WDR64: variants seen among roughly 807,000 people sequenced by gnomAD.
WDR64 encodes WD repeat domain 64.
A neutral mutation model predicts 139.3 loss-of-function variants in WDR64; 112 were observed. That is an observed-to-expected ratio of 0.80 (90% CI 0.69 to 0.94). The LOEUF (loss-of-function observed/expected upper bound fraction) is 0.94, where lower values mean the gene tolerates loss of function less well. WDR64 is among the 40% of genes least tolerant of loss of function. The probability of loss-of-function intolerance (pLI) is 0.00; values close to 1 mark genes in which losing one functional copy is unlikely to be tolerated. For synonymous variants in WDR64, 444 were observed against 437.7 expected (o/e 1.01, Z -0.18); for missense variants, 1,206 against 1,293.1 (o/e 0.93, Z 1.03).
intron 1 of WDR64, among the ~76,000 whole-genome samples, chr1:241,654,140 G>A (rs1665485800): frequency 2.0e-5 from 3 of 152,164 alleles, no homozygotes; most frequent in Admixed American, 2.0e-4. Context: ...ACTGAAAGCA[G>A]CAGCTGTCCT....
intron 1 of WDR64, 139 bp from the exon 2 acceptor site, chr1:241,660,391 G>C: frequency 9.4e-7 from 1 of 1,067,740 alleles, no homozygotes; most frequent in South Asian, 1.7e-5. Flanking sequence ...GCAAAGACAA[G>C]GTCTTTAAAA....
chr1:241,697,551 G>A (rs1667543209), intron 8 of WDR64, among the ~76,000 whole-genome samples: 1 of 152,118 alleles, frequency 6.6e-6, no homozygotes, highest in Non-Finnish European at 1.5e-5. Flanking sequence ...GAACAGGCTA[G>A]CTGGAACTAC....
rs199635140 is a variant in WDR64 at position 241,656,870 on chromosome 1, TTGTGTGTGTGTGTG to T, written c.146-3632_146-3619del. On this transcript the variant is annotated intron_variant, in intron 1 of 27. Transcript: ENST00000437684. This position sits in a 1 kb window ranked among gnomAD's most constrained non-coding sequence, Gnocchi z 4.3. ...AAATGTCTCAAGTCTTTGCCAAATG[TTGTGTGTGTGTGTG>T]TGTGTGTGTGTGTGTGTGTGTGTGT... 1.2e-5 allele frequency among the ~76,000 whole-genome samples: 1 copy of T among 86,640 alleles called. No homozygotes were observed. Among genetic ancestry groups the T allele is most frequent in the Admixed American group, 1.2e-4 (1 of 8,028 alleles). 56.8% of individuals were successfully genotyped at this position (86,640 alleles called of 152,430 possible).
chr1:241,727,996 C>T (rs552628903), intron 10 of WDR64, among the ~76,000 whole-genome samples: 97 of 151,808 alleles, frequency 6.4e-4, no homozygotes, highest in African/African-American at 2.2e-3. Flanking sequence ...GAACCAGCCC[C>T]GTGAAGATCT....
intron 7 of WDR64, among the ~76,000 whole-genome samples, chr1:241,686,303 G>A (rs7538602): frequency 0.22 from 32,893 of 152,188 alleles, 3,733 homozygotes; most frequent in South Asian, 0.29. Context: ...GTGGATATGG[G>A]GGTAGTAAAC....
chr1:241,683,563 G>C lies in WDR64; in HGVS notation c.701G>C (p.Cys234Ser). ...VCVVPLPDHL[C>S]RDDILLGDDG... is the part of the protein sequence containing the mutation. Reference sequence around the variant, plus strand: ...GTGGTGCCTTTGCCTGACCATCTCTGCCGAGATGACATCCTCTTGGGGGAT... The same window carrying C: ...GTGGTGCCTTTGCCTGACCATCTCTCCCGAGATGACATCCTCTTGGGGGAT... The change falls in exon 7 of 28, where the codon TGC becomes TCC. Residue 234 changes from cysteine to serine, a missense_variant. Transcript: ENST00000437684. The C allele has an allele frequency of 6.4e-7, 1 of 1,551,656 alleles. No individual in the cohort carries two copies. Among genetic ancestry groups the C allele is most frequent in the Non-Finnish European group, 8.7e-7 (1 of 1,146,984 alleles).
intron 13 of WDR64, among the ~76,000 whole-genome samples, chr1:241,744,796 G>T (rs750852561): frequency 6.6e-5 from 10 of 152,208 alleles, no homozygotes; most frequent in Non-Finnish European, 1.5e-4. Context: ...CATCTAATCT[G>T]TGTTGCACTG....
intron 2 of WDR64, among the ~76,000 whole-genome samples, chr1:241,669,985 T>C (rs7513188): frequency 0.77 from 117,152 of 152,052 alleles, 45,387 homozygotes; most frequent in Non-Finnish European, 0.81. Context: ...TTCAAAAGGA[T>C]TCCTCAGTTC....
intron 10 of WDR64, among the ~76,000 whole-genome samples, chr1:241,735,363 C>T (rs116426050): frequency 4.1e-4 from 63 of 152,046 alleles, no homozygotes; most frequent in African/African-American, 1.2e-3. Flanking sequence ...TTTGGTTGAA[C>T]GGAAGTTTTT....
At chr1:241,681,552 T>C (rs1306539276) in intron 6 of WDR64, among the ~76,000 whole-genome samples, 2 of 152,214 alleles carry the variant, frequency 1.3e-5, no homozygotes, top group African/African-American at 2.4e-5. Context: ...GTTTCACATT[T>C]TTGCAATTGC....
At position 241,783,330 on chromosome 1, in the gene WDR64, A is replaced by G. The variant is rs1445886083; in HGVS notation, c.2654A>G (p.Tyr885Cys). The G allele has an allele frequency of 6.2e-7, 1 of 1,614,116 alleles. No homozygotes were observed. Among genetic ancestry groups the G allele is most frequent in the Non-Finnish European group, 8.5e-7 (1 of 1,179,994 alleles). ...TCTTTGGAAATTATTCAAGTAATCT[A>G]TGTAGAAGAAAAACAAGTGGTACTT... ...AHSLEIIQVI[Y>C]VEEKQVVLTA... is the part of the protein sequence containing the mutation. Residue 885 changes from tyrosine to cysteine, a missense_variant, in exon 23 of 28, where the codon TAT becomes TGT. Transcript: ENST00000437684.
At chr1:241,794,194 A>G (rs977879464) in intron 25 of WDR64, among the ~76,000 whole-genome samples, 1 of 147,194 alleles carries the variant, frequency 6.8e-6, no homozygotes, top group Non-Finnish European at 1.5e-5. Flanking sequence ...AAAAAAAAAA[A>G]GAAAAAAAGA....
intron 7 of WDR64, among the ~76,000 whole-genome samples, chr1:241,686,511 A>G (rs1667010312): frequency 6.6e-6 from 1 of 152,202 alleles, no homozygotes; most frequent in East Asian, 1.9e-4. Context: ...TTTTTACCTT[A>G]ATCATCCTTG....
At chr1:241,740,796 G>A (rs1230658842) in intron 11 of WDR64, among the ~76,000 whole-genome samples, 1 of 151,958 alleles carries the variant, frequency 6.6e-6, no homozygotes, top group Non-Finnish European at 1.5e-5. Context: ...CTCTCGAGTA[G>A]CTGGGATTAC....
intron 6 of WDR64, among the ~76,000 whole-genome samples, chr1:241,682,245 TTTTATAGTTTCAGGTCTTAGA>T: frequency 6.6e-6 from 1 of 152,238 alleles, no homozygotes. Context: ...CTTCTAGAAT[TTTTATAGTTTCAGGTCTTAGA>T]TTTAAGTCCT....
At chr1:241,686,046 A>G (rs12565471) in intron 7 of WDR64, among the ~76,000 whole-genome samples, 26,838 of 152,198 alleles carry the variant, frequency 0.18, 2,708 homozygotes, top group East Asian at 0.39. Context: ...CAGTTAAATG[A>G]ATGCTAATTC....
intron 9 of WDR64, among the ~76,000 whole-genome samples, chr1:241,716,485 T>G (rs1232738087): frequency 6.6e-6 from 1 of 152,166 alleles, no homozygotes; most frequent in Admixed American, 6.5e-5. Flanking sequence ...GGGCTCTGCA[T>G]GCATTTTTTT....
At chr1:241,791,619 C>T (rs1659216882) in intron 25 of WDR64, among the ~76,000 whole-genome samples, 1 of 151,912 alleles carries the variant, frequency 6.6e-6, no homozygotes. Context: ...TTACAGTGAG[C>T]TATGATCCCA....
Position 241,780,092 on chromosome 1 carries a change from A to G in WDR64, c.2595+30A>G, listed in dbSNP as rs767091057. ...GAACTTCAGTTTTCCACTTTAATTT[A>G]TGAGTCAGCATATATTTATTGAGCA... On this transcript the variant is annotated intron_variant, in intron 22 of 27. Transcript: ENST00000437684. The G allele has an allele frequency of 5.9e-6, 9 of 1,527,320 alleles. No homozygotes were observed. In the South Asian group the frequency reaches 9.5e-5, roughly 16 times the overall value. The allele number at this position is 1,527,320 out of a possible 1,614,324, so 94.6% of individuals were successfully genotyped here. A position where few individuals can be genotyped will look rare whatever the true frequency, so the allele number is the denominator to read the frequency against.
Sources: allele counts gnomAD v4.1 joint callset (sites outside exome capture counted in the v4.1 genomes callset), GRCh38; gene constraint gnomAD v4.1.1; non-coding constraint Gnocchi (gnomAD v3.1); transcripts MANE v1.5; gene names NCBI Gene and HGNC (gene_info 2026-07-23, HGNC 2026-07-21).